ERN2: variants seen among roughly 807,000 people sequenced by gnomAD.
The protein encoded by ERN2 is endoplasmic reticulum to nucleus signaling 2, also known as serine/threonine-protein kinase/endoribonuclease IRE2.
ERN2 carries 111 observed loss-of-function variants against 107.9 expected under a neutral mutation model. That is an observed-to-expected ratio of 1.03 (90% CI 0.88 to 1.20). ERN2 has a LOEUF of 1.20. Among genes scored for constraint, ERN2 ranks in the 50% most tolerant of loss-of-function variants. The pLI, the probability that ERN2 is intolerant of heterozygous loss-of-function variation, is 0.00. For missense variants in ERN2, 1,225 were observed against 1,197.9 expected, an observed-to-expected ratio of 1.02 and a Z score of -0.33; for synonymous variants, 524 against 501.7, an observed-to-expected ratio of 1.04 and a Z score of -0.59.
chr16:23,699,731 C>T (rs973567039), intron 13 of ERN2, among the ~76,000 whole-genome samples: 1 of 152,080 alleles, frequency 6.6e-6, no homozygotes, highest in Non-Finnish European at 1.5e-5. Context: ...CCTAAAAGGG[C>T]TTTAGTCTTT....
At chr16:23,707,744 A>G (rs190708416) in intron 4 of ERN2, among the ~76,000 whole-genome samples, 1 of 152,064 alleles carries the variant, frequency 6.6e-6, no homozygotes, top group Non-Finnish European at 1.5e-5. Flanking sequence ...AACAAACAAA[A>G]AAAAGCCGCA....
rs1415763379 is a variant in ERN2 at position 23,710,560 on chromosome 16, A to AG, written c.200-12dup. On this transcript the variant is annotated splice_polypyrimidine_tract_variant and intron_variant, in intron 2 of 21. Coordinates refer to ENST00000256797, the MANE Select transcript of ERN2 (RefSeq NM_033266.4). ...CTTCGATGACGGGATCTGCAGGGAC[A>AG]GGGACACAGAACATAAGCAGTTTCC... The AG allele has an allele frequency of 6.2e-7, 1 of 1,614,192 alleles. No homozygotes were observed. The highest frequency in any genetic ancestry group is 8.5e-7 in the Non-Finnish European group (1 of 1,179,998).
At position 23,702,435 on chromosome 16, in the gene ERN2, A is replaced by G. The variant is rs1365754744; in HGVS notation, c.1036T>C (p.Tyr346His). The G allele has an allele frequency of 6.2e-7, 1 of 1,613,536 alleles. No homozygotes were observed. Among genetic ancestry groups the G allele is most frequent in the Non-Finnish European group, 8.5e-7 (1 of 1,180,044 alleles). Residue 346 changes from tyrosine (Y) to histidine (H), a missense_variant, in exon 10 of 22, where the codon TAC (tyrosine) becomes CAC (histidine). By Grantham distance (83) the Tyr-to-His change is moderately conservative. Transcript: ENST00000256797. The stretch of plus-strand genomic sequence containing the variant: ...GGGAGGGCCACACTGCCTGAGGGGT[A>G]TCTAACAGCAGTGCTGGGTGAGCCC... ...REGSPSTAVR[Y>H]PSGSVALPSQ...
intron 4 of ERN2, chr16:23,707,338 G>T (rs1960361053): frequency 2.1e-6 from 1 of 480,346 alleles, no homozygotes; most frequent in Non-Finnish European, 3.8e-6. Context: ...ACAGCCTCTT[G>T]AGGAAATGCA....
intron 4 of ERN2, 59 bp downstream of exon 4, chr16:23,710,113 T>C (rs183445190): frequency 8.5e-7 from 1 of 1,175,646 alleles, no homozygotes; most frequent in Non-Finnish European, 1.3e-6. Context: ...CACCTCTCAG[T>C]GCTCCAGCTG....
intron 11 of ERN2, 96 bp downstream of exon 11, chr16:23,702,056 G>A (rs887486327): frequency 1.2e-5 from 16 of 1,312,980 alleles, no homozygotes; most frequent in Non-Finnish European, 1.6e-5. Flanking sequence ...CCACCCCCGA[G>A]TGTTATTCTT....
chr16:23,700,975 A>G lies in ERN2; in HGVS notation c.1343T>C (p.Leu448Pro). Residue 448 changes from leucine (L) to proline (P), a missense_variant, in exon 12 of 22, where the codon CTC (leucine) becomes CCC (proline). Leu to Pro is a moderately conservative substitution (Grantham distance 98). Coordinates refer to ENST00000256797, the MANE Select transcript of ERN2 (RefSeq NM_033266.4). The part of the protein sequence containing the change: ...LTAVLLGGWI[L>P]FVMRQQQPQV... ...TGGGCCTACCTGCCTCATCACAAAGAGAATCCACCCTCCCAGGAGGACAGC... is the reference window on the plus strand; with the variant it reads ...TGGGCCTACCTGCCTCATCACAAAGGGAATCCACCCTCCCAGGAGGACAGC... 1 of 1,614,050 alleles carries G rather than the reference A, an allele frequency of 6.2e-7. No individual in the cohort carries two copies. Among genetic ancestry groups the G allele is most frequent in the African/African-American group, 1.3e-5 (1 of 75,044 alleles).
At chr16:23,697,762 T>A (rs968200384) in intron 13 of ERN2, among the ~76,000 whole-genome samples, 1 of 152,244 alleles carries the variant, frequency 6.6e-6, no homozygotes, top group South Asian at 2.1e-4. Context: ...TTGTCGTTGT[T>A]GTTGTTGTTT....
In ERN2 at chr16:23,702,228, A is replaced by C. The variant is rs758451353; in HGVS notation, c.1127T>G (p.Val376Gly). 21 of 1,613,852 alleles carry C rather than the reference A, an allele frequency of 1.3e-5. No homozygotes were observed. In the African/African-American group the frequency reaches 1.9e-4, roughly 14 times the overall value. The change falls in exon 11 of 22, where the codon GTC becomes GGC. Residue 376 changes from valine to glycine, a missense_variant. Physicochemically the swap from Val to Gly is moderately radical, Grantham distance 109. Transcript: ENST00000256797. ...AGTTCCACTCCCCAGGGTGGGATGG[A>C]CCCTCAGCATGGTGGTGTGCAGGAC... Reference protein sequence around the residue: ...PPVLHTTMLRVHPTLGSGTAE... With the variant: ...PPVLHTTMLRGHPTLGSGTAE...
In ERN2 at chr16:23,692,056, CA is replaced by C. The variant is rs770403987; in HGVS notation, c.2282del (p.Met761SerfsTer2). On this transcript the variant is annotated frameshift_variant, in exon 19 of 22. Transcript: ENST00000256797. LOFTEE classifies it high-confidence loss of function. Reference sequence around the variant, plus strand: ...GGCGTGGCTGCGGCAGTGGGCTCAACATGGCTCCAACCAGGTCCCGGGCAAC... The same window carrying C: ...GGCGTGGCTGCGGCAGTGGGCTCAACTGGCTCCAACCAGGTCCCGGGCAAC... ...KVVARDLVGA[M>X]LSPLPQPRPS... is the part of the protein sequence containing the mutation. The C allele has an allele frequency of 9.9e-6, 16 of 1,613,846 alleles. No homozygotes were observed. Among genetic ancestry groups the C allele is most frequent in the Admixed American group, 8.3e-5 (5 of 60,022 alleles).
Position 23,705,072 on chromosome 16 carries a change from G to T in ERN2, c.665C>A (p.Thr222Lys). 6.2e-7 allele frequency: 1 copy of T among 1,614,020 alleles called. No individual in the cohort carries two copies. The highest frequency in any genetic ancestry group is 2.2e-5 in the East Asian group (1 of 44,868). Residue 222 changes from threonine to lysine, a missense_variant, in exon 8 of 22, where the codon ACA (threonine) becomes AAA (lysine). Thr to Lys is a moderately conservative substitution (Grantham distance 78). Transcript: ENST00000256797. The stretch of plus-strand genomic sequence containing the variant: ...CATCACAGGCACGCCCAGGTCCTGT[G>T]TCCACAGCACCGTCCCGCTTCCTGG... ...VDPGSGTVLW[T>K]QDLGVPVMGV...
chr16:23,701,223 G>A (rs1269936645), intron 11 of ERN2, 109 bp from the exon 12 acceptor site: 1 of 1,154,328 alleles, frequency 8.7e-7, no homozygotes, highest in Non-Finnish European at 1.2e-6. Flanking sequence ...GCAGTGAGTG[G>A]TCTGTGTATG....
At chr16:23,705,210 GC>G (rs776436243) in intron 7 of ERN2, 63 bp from the exon 8 acceptor site, 280 of 1,559,368 alleles carry the variant, frequency 1.8e-4, no homozygotes, top group Non-Finnish European at 2.4e-4. Context: ...CCAAGGGTGT[GC>G]CCTCTGGGTG....
chr16:23,712,126 C>T, intron 1 of ERN2: 1 of 416,988 alleles, frequency 2.4e-6, no homozygotes, highest in Non-Finnish European at 5.0e-6. Flanking sequence ...TGGGGCTGGG[C>T]CACTGGTGTT....
At chr16:23,708,487 G>A (rs1300553300) in intron 4 of ERN2, among the ~76,000 whole-genome samples, 1 of 150,556 alleles carries the variant, frequency 6.6e-6, no homozygotes, top group Non-Finnish European at 1.5e-5. Context: ...CTCCCAAGCA[G>A]TTGGGACTGC....
intron 4 of ERN2, 168 bp from the exon 5 acceptor site, chr16:23,707,247 A>G: frequency 1.6e-6 from 1 of 627,940 alleles, no homozygotes; most frequent in East Asian, 2.8e-5. Flanking sequence ...GGCTAATGTC[A>G]CACAGCTACT....
In ERN2 at chr16:23,691,177, G is replaced by A; in HGVS notation, c.2520C>T (p.Ser840=). 2 of 1,614,044 alleles carry A rather than the reference G, an allele frequency of 1.2e-6. No individual in the cohort carries two copies. The highest frequency in any genetic ancestry group is 1.7e-6 in the Non-Finnish European group (2 of 1,180,004). The part of the protein sequence containing the change: ...PLQTDLRKFR[S]YKGTSVRDLL... ...GGTCTCGCACTGATGTCCCCTTATA[G>A]GACCGGAACTTTCTCAGATCTGTGG... is the stretch of plus-strand genomic sequence containing the variant. Residue 840 remains serine, a synonymous_variant, in exon 21 of 22, where the codon TCC becomes TCT. Coordinates refer to ENST00000256797, the MANE Select transcript of ERN2 (RefSeq NM_033266.4).
chr16:23,700,605 T>C lies in ERN2; in HGVS notation c.1459A>G (p.Ser487Gly). 6.2e-7 allele frequency: 1 copy of C among 1,614,148 alleles called. No individual in the cohort carries two copies. ...QDAQSLHSGA[S>G]RRSQKRLQSP... ...TGAAGCCTCTTCTGGCTCCTCCGGC[T>C]GGCCCCCGAGTGCAGGGACTGGGCA... The change falls in exon 13 of 22, where the codon AGC (serine) becomes GGC (glycine). Residue 487 changes from serine (S) to glycine (G), a missense_variant. Transcript: ENST00000256797.
In ERN2 at chr16:23,690,832, C is replaced by A. The variant is rs1162734484; in HGVS notation, c.2780G>T (p.Ter927LeuextTer15). The change falls in exon 22 of 22, where the codon TGA (stop) becomes TTA (leucine). Residue 927 changes from the stop codon to leucine, a stop_lost. Transcript: ENST00000256797. ...CATCTGTGTGGCATCCAGCCCACCT[C>A]ACCTCCCTGTGGCCCCAGGGCATGG... ...RRPCPGATGR[*>L] is the part of the protein sequence containing the mutation. 1 of 1,609,648 alleles carries A rather than the reference C, an allele frequency of 6.2e-7. No homozygotes were observed. Among genetic ancestry groups the A allele is most frequent in the Non-Finnish European group, 8.5e-7 (1 of 1,179,692 alleles).
Sources: allele counts gnomAD v4.1 joint callset (sites outside exome capture counted in the v4.1 genomes callset), GRCh38; gene constraint gnomAD v4.1.1; transcripts MANE v1.5; gene names NCBI Gene and HGNC (gene_info 2026-07-23, HGNC 2026-07-21).